The following SLC25A21 variants were observed in gnomAD, a reference collection of about 807,000 sequenced individuals.
SLC25A21 encodes the protein mitochondrial 2-oxodicarboxylate carrier.
SLC25A21 carries 47 observed loss-of-function variants against 43.8 expected under a neutral mutation model. That is an observed-to-expected ratio of 1.07 (90% confidence interval 0.85 to 1.37). The LOEUF (loss-of-function observed/expected upper bound fraction) is 1.37. Ranked by LOEUF, SLC25A21 falls within the 40% of genes most tolerant of loss-of-function variation. The pLI, the probability that SLC25A21 is intolerant of heterozygous loss-of-function variation, is 0.00. For synonymous variants in SLC25A21, 131 were observed against 121.3 expected, an observed-to-expected ratio of 1.08 and a Z score of -0.52; for missense variants, 352 against 350.2, an observed-to-expected ratio of 1.00 and a Z score of -0.04.
At chr14:36,900,983 G>A (rs1045708110) in intron 1 of SLC25A21, among the ~76,000 whole-genome samples, 1 of 152,108 alleles carries the variant, frequency 6.6e-6, no homozygotes, top group Non-Finnish European at 1.5e-5. Flanking sequence ...CCACTTTACA[G>A]AAGTGAAATT....
At chr14:36,837,800 C>T (rs557375742) in intron 2 of SLC25A21, among the ~76,000 whole-genome samples, 1 of 152,200 alleles carries the variant, frequency 6.6e-6, no homozygotes, top group Non-Finnish European at 1.5e-5. Context: ...TTCCCACTCC[C>T]ATGATCTCAG....
intron 1 of SLC25A21, among the ~76,000 whole-genome samples, chr14:37,116,750 T>C (rs1963114175): frequency 6.6e-6 from 1 of 152,176 alleles, no homozygotes; most frequent in African/African-American, 2.4e-5. Context: ...ACAACAATTT[T>C]GAACATATAA....
chr14:36,687,180 T>G (rs890664193), intron 7 of SLC25A21, among the ~76,000 whole-genome samples: 2 of 152,324 alleles, frequency 1.3e-5, no homozygotes, highest in Non-Finnish European at 1.5e-5. Flanking sequence ...CTCGAACTCC[T>G]GACCTCAGGT....
intron 2 of SLC25A21, among the ~76,000 whole-genome samples, chr14:36,815,169 G>A (rs1487852142): frequency 1.3e-5 from 2 of 152,106 alleles, no homozygotes; most frequent in Non-Finnish European, 2.9e-5. Flanking sequence ...GGGCCAGTTG[G>A]CGGCTGTGGG....
At chr14:36,856,057 T>C (rs61988036) in intron 2 of SLC25A21, among the ~76,000 whole-genome samples, 4 of 151,862 alleles carry the variant, frequency 2.6e-5, no homozygotes, top group South Asian at 2.1e-4. Context: ...AGAGTCGAGG[T>C]TGAGAAACCC....
chr14:36,869,306 C>A (rs1890300120), intron 2 of SLC25A21, among the ~76,000 whole-genome samples: 1 of 152,156 alleles, frequency 6.6e-6, no homozygotes, highest in Non-Finnish European at 1.5e-5. Context: ...ATGACTAACA[C>A]AGGCAACAAA....
At chr14:36,773,495 A>T (rs1886703058) in intron 3 of SLC25A21, among the ~76,000 whole-genome samples, 1 of 152,234 alleles carries the variant, frequency 6.6e-6, no homozygotes, top group Non-Finnish European at 1.5e-5. Context: ...AACAACATGG[A>T]TCTATTGAGT....
chr14:36,706,518 A>G (rs965156148), intron 7 of SLC25A21, among the ~76,000 whole-genome samples: 1 of 152,084 alleles, frequency 6.6e-6, no homozygotes, highest in Non-Finnish European at 1.5e-5. Context: ...CAACCCACGG[A>G]CTTAACGTCG....
intron 2 of SLC25A21, among the ~76,000 whole-genome samples, chr14:36,830,210 T>C (rs1185796652): frequency 6.6e-6 from 1 of 152,200 alleles, no homozygotes; most frequent in Non-Finnish European, 1.5e-5. Context: ...AAAGAACTAA[T>C]CACAATTTAC....
At chr14:37,130,526 CTTA>C (rs373599501) in intron 1 of SLC25A21, among the ~76,000 whole-genome samples, 303 of 152,234 alleles carry the variant, frequency 2.0e-3, no homozygotes, top group African/African-American at 6.8e-3. Context: ...TGTTATAATG[CTTA>C]GAGCATAAAT....
At position 37,100,669 on chromosome 14, in the gene SLC25A21, A is replaced by G. The variant is rs528798746; in HGVS notation, c.70+71612T>C. On this transcript the variant is annotated intron_variant, in intron 1 of 9. Transcript: ENST00000331299. ...GTTTAGAGCCAAGTTCTCCATCCCT[A>G]TGGACTACATCTAGATATCCTCTTG... Among the ~76,000 whole-genome samples the G allele has an allele frequency of 3.9e-5, 6 of 152,332 alleles. No homozygotes were observed. The South Asian group carries it at 1.2e-3, about 32-fold the overall frequency.
intron 3 of SLC25A21, among the ~76,000 whole-genome samples, chr14:36,797,053 T>G (rs965518598): frequency 5.3e-5 from 8 of 152,220 alleles, no homozygotes; most frequent in Admixed American, 2.6e-4. Flanking sequence ...TAGCAATAGC[T>G]GATCTGAACC....
At chr14:37,037,949 G>A (rs1961364193) in intron 1 of SLC25A21, among the ~76,000 whole-genome samples, 1 of 152,154 alleles carries the variant, frequency 6.6e-6, no homozygotes, top group Admixed American at 6.6e-5. Context: ...TTTTTCTGAA[G>A]ATTCCTCTGC....
chr14:37,007,088 T>C (rs1960621409), intron 1 of SLC25A21, among the ~76,000 whole-genome samples: 1 of 152,232 alleles, frequency 6.6e-6, no homozygotes, highest in African/African-American at 2.4e-5. Context: ...GGATAGATGA[T>C]AGAGACACAG....
At chr14:37,027,712 A>T (rs1279837293) in intron 1 of SLC25A21, among the ~76,000 whole-genome samples, 2 of 152,188 alleles carry the variant, frequency 1.3e-5, no homozygotes, top group Non-Finnish European at 2.9e-5. Flanking sequence ...TAAAAGAGTA[A>T]ATCAAATGGA....
At chr14:36,919,891 T>C (rs1891934050) in intron 1 of SLC25A21, among the ~76,000 whole-genome samples, 1 of 152,038 alleles carries the variant, frequency 6.6e-6, no homozygotes, top group Non-Finnish European at 1.5e-5. Flanking sequence ...AGTAAAGATC[T>C]TGCCAATAAA....
At chr14:36,904,760 CACTT>C (rs888351029) in intron 1 of SLC25A21, among the ~76,000 whole-genome samples, 17 of 152,134 alleles carry the variant, frequency 1.1e-4, no homozygotes, top group African/African-American at 3.6e-4. Context: ...CTTGGGAACT[CACTT>C]ACTATCACGA....
chr14:36,758,731 A>G (rs988262311), intron 3 of SLC25A21, among the ~76,000 whole-genome samples: 1 of 152,148 alleles, frequency 6.6e-6, no homozygotes, highest in African/African-American at 2.4e-5. Flanking sequence ...AGATACCCCA[A>G]AGACTGATAG....
chr14:37,118,364 A>G (rs1963144576), intron 1 of SLC25A21, among the ~76,000 whole-genome samples: 1 of 150,936 alleles, frequency 6.6e-6, no homozygotes, highest in Non-Finnish European at 1.5e-5. Context: ...CCCCCAAACA[A>G]TCAGCAGCTC....
Sources: allele counts gnomAD v4.1 joint callset (sites outside exome capture counted in the v4.1 genomes callset), GRCh38; gene constraint gnomAD v4.1.1; transcripts MANE v1.5; gene names NCBI Gene and HGNC (gene_info 2026-07-23, HGNC 2026-07-21).